The following GNAQ variants were observed in gnomAD, a reference collection of about 807,000 sequenced individuals.
GNAQ encodes G protein subunit alpha q, also known as guanine nucleotide-binding protein G(q) subunit alpha.
In GNAQ, 8 loss-of-function variants were observed where a neutral mutation model predicts 43.9. That is an observed-to-expected ratio of 0.18 (90% CI 0.11 to 0.33). The LOEUF is 0.33. GNAQ is among the 10% of genes least tolerant of loss of function. The pLI is 1.00. For missense variants in GNAQ, 158 were observed against 450.8 expected (o/e 0.35, Z 5.88); for synonymous variants, 155 against 170.7 (o/e 0.91, Z 0.71).
At chr9:77,892,660 C>T (rs890830208) in intron 2 of GNAQ, among the ~76,000 whole-genome samples, 1 of 152,186 alleles carries the variant, frequency 6.6e-6, no homozygotes, top group Non-Finnish European at 1.5e-5. Flanking sequence ...TGAATATTAA[C>T]ATGACCTGGG....
At chr9:77,851,291 T>C (rs751843657) in intron 2 of GNAQ, among the ~76,000 whole-genome samples, 1 of 152,214 alleles carries the variant, frequency 6.6e-6, no homozygotes, top group Non-Finnish European at 1.5e-5. Flanking sequence ...TAAAAAGTTT[T>C]TGTGATAAAC....
chr9:78,001,584 T>C (rs989629144), intron 1 of GNAQ, among the ~76,000 whole-genome samples: 1 of 150,270 alleles, frequency 6.7e-6, no homozygotes, highest in Non-Finnish European at 1.5e-5. Flanking sequence ...TACTTCTTTG[T>C]ACTTTTTTTT....
rs548940583 is a variant in GNAQ at position 78,015,292 on chromosome 9, T to C, written c.136+15808A>G. 1.5e-4 allele frequency among the ~76,000 whole-genome samples: 23 copies of C among 152,346 alleles called. No homozygotes were observed. In the East Asian group the frequency reaches 4.4e-3, roughly 29 times the overall value. On this transcript the variant is annotated intron_variant, in intron 1 of 6. Coordinates refer to ENST00000286548, the MANE Select transcript of GNAQ (RefSeq NM_002072.5). ...TAGCCTATATGTGTGTTGTAGGCTA[T>C]ACAATCTAGATTTGTGTAAGTACAC...
intron 5 of GNAQ, among the ~76,000 whole-genome samples, chr9:77,782,060 A>G (rs188037045): frequency 6.6e-6 from 1 of 152,310 alleles, no homozygotes; most frequent in African/African-American, 2.4e-5. Flanking sequence ...CAGATTGAGA[A>G]GGAAGAAAAC....
At chr9:78,023,584 A>G (rs1447437747) in intron 1 of GNAQ, among the ~76,000 whole-genome samples, 1 of 152,140 alleles carries the variant, frequency 6.6e-6, no homozygotes, top group Non-Finnish European at 1.5e-5. Context: ...CAGTAAATAC[A>G]TGGTGGTAGA....
intron 5 of GNAQ, among the ~76,000 whole-genome samples, chr9:77,784,504 T>C (rs1203376180): frequency 1.3e-5 from 2 of 152,190 alleles, no homozygotes; most frequent in Admixed American, 1.3e-4. Flanking sequence ...TGACAAACTT[T>C]ATAAAACGTG....
chr9:77,812,255 G>A (rs1486312425), intron 3 of GNAQ, among the ~76,000 whole-genome samples: 1 of 152,172 alleles, frequency 6.6e-6, no homozygotes, highest in Admixed American at 6.6e-5. Flanking sequence ...AAGAACTAGA[G>A]ACTGCTCAAT....
intron 2 of GNAQ, among the ~76,000 whole-genome samples, chr9:77,893,404 A>G (rs546822243): frequency 3.9e-5 from 6 of 152,176 alleles, no homozygotes; most frequent in Admixed American, 6.5e-5. Context: ...GTTAACTTAT[A>G]TGGTCTGAAA....
At chr9:77,753,127 T>C (rs982600415) in intron 5 of GNAQ, among the ~76,000 whole-genome samples, 1 of 149,440 alleles carries the variant, frequency 6.7e-6, no homozygotes, top group South Asian at 2.1e-4. Context: ...AAAAAGAAGA[T>C]TTAGTTGGCT....
intron 5 of GNAQ, among the ~76,000 whole-genome samples, chr9:77,752,373 A>G (rs77084046): frequency 0.017 from 2,521 of 152,330 alleles, 133 homozygotes; most frequent in Admixed American, 0.11. Flanking sequence ...TATACTGACT[A>G]AAAAGTGTCT....
rs757711264 is a variant in GNAQ at position 78,031,217 on chromosome 9, T to A, written c.19A>T (p.Met7Leu). ...GCCTCCTCGCTCAGGCAGCACGCCA[T>A]GATGGACTCCAGAGTCATTCTTCCA... The part of the protein sequence containing the change: MTLESI[M>L]ACCLSEEAKE... The change falls in exon 1 of 7, where the codon ATG (methionine) becomes TTG (leucine). Residue 7 changes from methionine (M) to leucine (L), a missense_variant. By Grantham distance (15) the Met-to-Leu change is conservative (BLOSUM62 2). Around this residue, in one of 9 missense-constraint regions of GNAQ, gnomAD observed 12 missense variants for 18.9 expected, o/e 0.64. Transcript: ENST00000286548. 31 of 1,546,338 alleles carry A rather than the reference T, an allele frequency of 2.0e-5. No homozygotes were observed. Among genetic ancestry groups the A allele is most frequent in the Non-Finnish European group, 2.7e-5 (31 of 1,145,582 alleles).
intron 1 of GNAQ, among the ~76,000 whole-genome samples, chr9:77,985,781 T>C (rs970961096): frequency 1.3e-5 from 2 of 152,018 alleles, no homozygotes; most frequent in African/African-American, 4.8e-5. Context: ...AGAGATGGGG[T>C]TTCACTGTGT....
At chr9:77,822,046 T>C (rs947290678) in intron 2 of GNAQ, among the ~76,000 whole-genome samples, 1 of 152,120 alleles carries the variant, frequency 6.6e-6, no homozygotes, top group African/African-American at 2.4e-5. Context: ...AGAATAATGG[T>C]TATAAATAGT....
chr9:77,923,915 CATT>C (rs1564153182), intron 1 of GNAQ, among the ~76,000 whole-genome samples: 1 of 152,120 alleles, frequency 6.6e-6, no homozygotes. Context: ...GGTTGGATTT[CATT>C]ACTATCTTTA....
intron 3 of GNAQ, among the ~76,000 whole-genome samples, chr9:77,804,731 G>A (rs1826799453): frequency 2.0e-5 from 3 of 152,152 alleles, no homozygotes; most frequent in South Asian, 2.1e-4. Context: ...TGACCCCTAT[G>A]TAAGGGCCTC....
chr9:77,851,200 G>C (rs563579020), intron 2 of GNAQ, among the ~76,000 whole-genome samples: 4 of 152,204 alleles, frequency 2.6e-5, no homozygotes, highest in South Asian at 4.1e-4. Flanking sequence ...TAATTGTCTA[G>C]CTTACACAAA....
At chr9:77,806,222 T>C (rs1587924857) in intron 3 of GNAQ, among the ~76,000 whole-genome samples, 1 of 152,402 alleles carries the variant, frequency 6.6e-6, no homozygotes, top group Admixed American at 6.5e-5. Flanking sequence ...CTTTTATATA[T>C]GATAACTTTC....
At chr9:77,937,650 T>G (rs936677685) in intron 1 of GNAQ, among the ~76,000 whole-genome samples, 2 of 152,132 alleles carry the variant, frequency 1.3e-5, no homozygotes, top group African/African-American at 4.8e-5. Flanking sequence ...CCCAGCACTT[T>G]GGGAGGCCAA....
chr9:77,990,222 T>C (rs1282442950), intron 1 of GNAQ, among the ~76,000 whole-genome samples: 2 of 152,194 alleles, frequency 1.3e-5, no homozygotes, highest in Non-Finnish European at 2.9e-5. Context: ...TTTTATTTTA[T>C]TGTATTTCTT....
Sources: gnomAD v4.1 joint callset for allele counts (sites outside exome capture counted in the v4.1 genomes callset) on GRCh38, gnomAD v4.1.1 for gene constraint, gnomAD v4.1.1 regional missense constraint, MANE v1.5 for transcripts, NCBI Gene and HGNC (gene_info 2026-07-23, HGNC 2026-07-21) for gene names.